The following ZNF143 variants were observed in gnomAD, a reference collection of about 807,000 sequenced individuals.
The protein encoded by ZNF143 is SPH-binding factor.
In ZNF143, 49 loss-of-function variants were observed where a neutral mutation model predicts 74.1. The observed-to-expected ratio is 0.66, with a 90% CI of 0.53 to 0.84. The LOEUF is 0.84. ZNF143 is among the 40% of genes least tolerant of loss of function. The pLI, the probability that ZNF143 is intolerant of heterozygous loss-of-function variation, is 0.00. For synonymous variants in ZNF143, 304 were observed against 282.8 expected, an observed-to-expected ratio of 1.07 and a Z score of -0.75; for missense variants, 637 against 793.4, an observed-to-expected ratio of 0.80 and a Z score of 2.37.
intron 1 of ZNF143, among the ~76,000 whole-genome samples, chr11:9,464,371 C>G (rs1015781736): frequency 6.6e-6 from 1 of 152,072 alleles, no homozygotes; most frequent in Non-Finnish European, 1.5e-5. Context: ...GAGGCTGAGG[C>G]AGGTGGATCT....
intron 1 of ZNF143, among the ~76,000 whole-genome samples, chr11:9,465,059 G>C (rs1475211935): frequency 6.6e-6 from 1 of 152,170 alleles, no homozygotes; most frequent in Non-Finnish European, 1.5e-5. Flanking sequence ...AATACAAAAT[G>C]TTATGTATAT....
intron 14 of ZNF143, among the ~76,000 whole-genome samples, chr11:9,523,735 A>C (rs942996016): frequency 6.6e-6 from 1 of 150,556 alleles, no homozygotes; most frequent in African/African-American, 2.5e-5. Context: ...CTCCGTCTCA[A>C]AAAATATATA....
At chr11:9,483,081 C>CT (rs1847313323) in intron 7 of ZNF143, among the ~76,000 whole-genome samples, 3 of 150,798 alleles carry the variant, frequency 2.0e-5, no homozygotes, top group African/African-American at 7.4e-5. Flanking sequence ...GCAACCTCCA[C>CT]CTGCTGGGTT....
chr11:9,510,515 A>C (rs983874494), intron 12 of ZNF143, among the ~76,000 whole-genome samples: 6 of 152,146 alleles, frequency 3.9e-5, no homozygotes, highest in Admixed American at 3.3e-4. Flanking sequence ...TTTTCCAAGA[A>C]TAGGGATGGA....
chr11:9,471,468 TAAAAG>T lies in ZNF143; in HGVS notation c.112+53_112+57del, dbSNP rs761845338. 4.0e-5 allele frequency: 56 copies of T among 1,395,702 alleles called. 1 individual carries two copies. In the African/African-American group the frequency reaches 7.2e-4, roughly 18 times the overall value. The allele number at this position is 1,395,702 out of a possible 1,614,324, so 86.5% of individuals were successfully genotyped here. ...ATGCGTTTGAAAATATCATTTATCT[TAAAAG>T]AAAAAAAATTTACAACTTCCTAGTT... On this transcript the variant is annotated intron_variant, in intron 2 of 15. Transcript: ENST00000396602.
intron 1 of ZNF143, among the ~76,000 whole-genome samples, chr11:9,467,237 GTT>G (rs10709761): frequency 3.6e-3 from 457 of 127,288 alleles, no homozygotes; most frequent in African/African-American, 5.8e-3. Context: ...AAAGGAAAGT[GTT>G]TTTTTTTTTT....
chr11:9,504,800 G>A (rs1372022283), intron 11 of ZNF143, among the ~76,000 whole-genome samples: 1 of 115,682 alleles, frequency 8.6e-6, no homozygotes. Context: ...TCAGCCTCCT[G>A]AGTAGCTGGG....
chr11:9,489,540 T>G (rs902410248), intron 7 of ZNF143, among the ~76,000 whole-genome samples: 1 of 152,206 alleles, frequency 6.6e-6, no homozygotes, highest in Non-Finnish European at 1.5e-5. Context: ...TTAACTAAAT[T>G]AGATGCCAAA....
At chr11:9,469,450 T>G (rs1360513381) in intron 1 of ZNF143, among the ~76,000 whole-genome samples, 1 of 152,038 alleles carries the variant, frequency 6.6e-6, no homozygotes, top group Admixed American at 6.6e-5. Context: ...CAGGCTGATA[T>G]GGAACTCCTG....
intron 12 of ZNF143, 27 bp from the exon 13 acceptor site, chr11:9,512,421 A>C: frequency 3.8e-6 from 6 of 1,597,296 alleles, no homozygotes; most frequent in Non-Finnish European, 5.1e-6. Flanking sequence ...TGGTTGGTCA[A>C]ATAAATGATT....
intron 2 of ZNF143, among the ~76,000 whole-genome samples, chr11:9,471,738 G>C (rs1478604455): frequency 4.6e-5 from 7 of 151,826 alleles, no homozygotes; most frequent in Non-Finnish European, 7.4e-5. Context: ...TTTTAGTAGA[G>C]ACGGGGTTTC....
At chr11:9,472,609 GAA>G in intron 2 of ZNF143, 66 bp from the exon 3 acceptor site, 1 of 1,328,770 alleles carries the variant, frequency 7.5e-7, no homozygotes. Context: ...ATCTTTATTT[GAA>G]AAAAAAATTA....
chr11:9,474,478 C>T (rs1464069264), intron 4 of ZNF143, 72 bp from the exon 5 acceptor site: 1 of 1,457,408 alleles, frequency 6.9e-7, no homozygotes, highest in Non-Finnish European at 9.6e-7. Context: ...GGTTTATTGA[C>T]TCTTGTTGCT....
chr11:9,475,906 A>ATG (rs1179573528), intron 5 of ZNF143, among the ~76,000 whole-genome samples: 40 of 111,512 alleles, frequency 3.6e-4, no homozygotes, highest in Middle Eastern at 3.9e-3. Context: ...TCAAAAAAAT[A>ATG]TATATGTGTG....
intron 7 of ZNF143, among the ~76,000 whole-genome samples, chr11:9,484,007 C>T (rs1847356349): frequency 6.6e-6 from 1 of 151,312 alleles, no homozygotes; most frequent in South Asian, 2.1e-4. Flanking sequence ...CTCAGCCTCC[C>T]AAAGTGCTGG....
chr11:9,475,910 A>ATATGTG lies in ZNF143; in HGVS notation c.373+1278_373+1279insATGTGT, dbSNP rs370474107. Reference sequence around the variant, plus strand: ...GAGACCCTGTCTCAAAAAAATATATATGTGTGTGTGTGTGTGTGTGTGTGT... The same window carrying ATATGTG: ...GAGACCCTGTCTCAAAAAAATATATATATGTGTGTGTGTGTGTGTGTGTGTGTGTGT... On this transcript the variant is annotated intron_variant, in intron 5 of 15. Transcript: ENST00000396602. Among the ~76,000 whole-genome samples, 642 of 137,350 alleles carry ATATGTG rather than the reference A, an allele frequency of 4.7e-3. 4 individuals carry two copies. The highest frequency in any genetic ancestry group is 0.014 in the African/African-American group (522 of 36,246). The allele number at this position is 137,350 out of a possible 152,430, so 90.1% of individuals were successfully genotyped here.
At chr11:9,476,589 C>G (rs1434707905) in intron 5 of ZNF143, among the ~76,000 whole-genome samples, 3 of 151,742 alleles carry the variant, frequency 2.0e-5, no homozygotes, top group Non-Finnish European at 4.4e-5. Flanking sequence ...TCAGGCTGGT[C>G]TCAAACTCCT....
At chr11:9,468,066 T>A (rs1278249588) in intron 1 of ZNF143, among the ~76,000 whole-genome samples, 1 of 152,186 alleles carries the variant, frequency 6.6e-6, no homozygotes, top group African/African-American at 2.4e-5. Flanking sequence ...AAATGGTGTT[T>A]GGAATATGTC....
intron 7 of ZNF143, among the ~76,000 whole-genome samples, chr11:9,493,035 A>G (rs1483501984): frequency 6.6e-6 from 1 of 151,906 alleles, no homozygotes. Context: ...AGTCTATAAT[A>G]AACATTTTCT....
Sources: gnomAD v4.1 joint callset for allele counts (sites outside exome capture counted in the v4.1 genomes callset) on GRCh38, gnomAD v4.1.1 for gene constraint, MANE v1.5 for transcripts, NCBI Gene and HGNC (gene_info 2026-07-23, HGNC 2026-07-21) for gene names.